KLHL29: variants seen among roughly 807,000 people sequenced by gnomAD.
KLHL29 encodes kelch like family member 29.
In KLHL29, 21 loss-of-function variants were observed where a neutral mutation model predicts 80.4. That is an observed-to-expected ratio of 0.26 (90% CI 0.19 to 0.38). The LOEUF (loss-of-function observed/expected upper bound fraction) is 0.38. Ranked by LOEUF, KLHL29 falls within the 10% of genes least tolerant of loss-of-function variation. The probability of loss-of-function intolerance (pLI) is 1.00; values close to 1 mark genes in which losing one functional copy is unlikely to be tolerated. For missense variants in KLHL29, 867 were observed against 1,223.9 expected (o/e 0.71, Z 4.35); for synonymous variants, 511 against 526.8 (o/e 0.97, Z 0.41).
chr2:23,612,832 T>TA (rs1668901319), intron 3 of KLHL29, among the ~76,000 whole-genome samples: 1 of 151,986 alleles, frequency 6.6e-6, no homozygotes, highest in Admixed American at 6.6e-5. Flanking sequence ...AAGCAAAGGT[T>TA]AGAGTTTCAG....
intron 1 of KLHL29, among the ~76,000 whole-genome samples, chr2:23,412,793 T>C (rs1380642730): frequency 1.3e-5 from 2 of 152,146 alleles, no homozygotes; most frequent in African/African-American, 2.4e-5. Flanking sequence ...GAGGACCACT[T>C]GTCTCCTCCG....
chr2:23,463,203 T>C (rs1467176785), intron 1 of KLHL29, among the ~76,000 whole-genome samples: 4 of 151,788 alleles, frequency 2.6e-5, no homozygotes, highest in Non-Finnish European at 5.9e-5. Flanking sequence ...CTATCCCAAG[T>C]TGAAGCAGGT....
chr2:23,420,660 G>T (rs1662773069), intron 1 of KLHL29, among the ~76,000 whole-genome samples: 1 of 152,172 alleles, frequency 6.6e-6, no homozygotes, highest in African/African-American at 2.4e-5. Context: ...TGCCCCACCT[G>T]CCAGAGCTCC....
chr2:23,465,816 C>G (rs1373107671), intron 1 of KLHL29, among the ~76,000 whole-genome samples: 1 of 152,178 alleles, frequency 6.6e-6, no homozygotes, highest in Non-Finnish European at 1.5e-5. Context: ...CCTACTCCCT[C>G]TGGCCCAGAA....
chr2:23,516,524 A>G (rs992170291), intron 2 of KLHL29, among the ~76,000 whole-genome samples: 6 of 151,868 alleles, frequency 4.0e-5, no homozygotes, highest in African/African-American at 1.5e-4. Context: ...AATGCACATA[A>G]TTCAGGCTTT....
Position 23,596,004 on chromosome 2 carries a change from G to A in KLHL29, c.285+33523G>A, listed in dbSNP as rs1045395219. On this transcript the variant is annotated intron_variant, in intron 3 of 13. Coordinates refer to ENST00000486442, the MANE Select transcript of KLHL29 (RefSeq NM_052920.2). The surrounding 1 kb of genome is among the most constrained non-coding windows in gnomAD (Gnocchi z 4.4). ...ATTCCAGAAGGTTTTCACACTCCCC[G>A]TGGTTTGTCAGGAGGACACCGTTTT... Among the ~76,000 whole-genome samples the A allele has an allele frequency of 2.0e-5, 3 of 152,170 alleles. No individual in the cohort carries two copies. Among genetic ancestry groups the A allele is most frequent in the Admixed American group, 6.5e-5 (1 of 15,282 alleles).
At chr2:23,609,875 A>G (rs933857447) in intron 3 of KLHL29, among the ~76,000 whole-genome samples, 1 of 152,154 alleles carries the variant, frequency 6.6e-6, no homozygotes, top group Non-Finnish European at 1.5e-5. Flanking sequence ...GCAAATGGGA[A>G]TCAGACTCCT....
At chr2:23,676,158 T>C (rs1342101636) in intron 5 of KLHL29, among the ~76,000 whole-genome samples, 1 of 152,008 alleles carries the variant, frequency 6.6e-6, no homozygotes, top group Non-Finnish European at 1.5e-5. Context: ...TGAGGGAATC[T>C]GTAAGAATTT....
At position 23,681,686 on chromosome 2, in the gene KLHL29, A is replaced by G. The variant is rs1254043455; in HGVS notation, c.941-2713A>G. On this transcript the variant is annotated intron_variant, in intron 5 of 13. Coordinates refer to ENST00000486442, the MANE Select transcript of KLHL29 (RefSeq NM_052920.2). This position sits in a 1 kb window ranked among gnomAD's most constrained non-coding sequence, Gnocchi z 4.2. ...GCCCAGAAAGCTGGGGTGCTGGCCCAGGGTCACACACCAATTAGTGGCAGT... is the reference window on the plus strand; with the variant it reads ...GCCCAGAAAGCTGGGGTGCTGGCCCGGGGTCACACACCAATTAGTGGCAGT... 6.6e-6 allele frequency among the ~76,000 whole-genome samples: 1 copy of G among 152,180 alleles called. No individual in the cohort carries two copies. The highest frequency in any genetic ancestry group is 1.5e-5 in the Non-Finnish European group (1 of 68,014).
intron 2 of KLHL29, among the ~76,000 whole-genome samples, chr2:23,539,329 G>T (rs1417832496): frequency 6.6e-6 from 1 of 151,608 alleles, no homozygotes; most frequent in Non-Finnish European, 1.5e-5. Flanking sequence ...GATGTTGAAA[G>T]GAATTGATTT....
chr2:23,439,882 C>T (rs558270802), intron 1 of KLHL29, among the ~76,000 whole-genome samples: 24 of 152,100 alleles, frequency 1.6e-4, no homozygotes, highest in African/African-American at 5.1e-4. Flanking sequence ...CTTTCTGTCT[C>T]ATTGATCTGT....
chr2:23,550,917 G>A (rs1054377068), intron 2 of KLHL29, among the ~76,000 whole-genome samples: 2 of 152,218 alleles, frequency 1.3e-5, no homozygotes, highest in African/African-American at 4.8e-5. Flanking sequence ...CCTGGGAGGG[G>A]GTAAGCCTGC....
chr2:23,542,582 G>A (rs562713871), intron 2 of KLHL29, among the ~76,000 whole-genome samples: 111 of 152,352 alleles, frequency 7.3e-4, no homozygotes, highest in African/African-American at 2.3e-3. Context: ...TGCCATCCTC[G>A]GGGCTTGTCA....
intron 11 of KLHL29, among the ~76,000 whole-genome samples, chr2:23,702,439 T>C (rs774706095): frequency 6.6e-6 from 1 of 152,208 alleles, no homozygotes; most frequent in Non-Finnish European, 1.5e-5. Flanking sequence ...TTTTGCACCA[T>C]GATAAAGTCA....
chr2:23,524,153 G>A (rs1386503228), intron 2 of KLHL29: 5 of 419,490 alleles, frequency 1.2e-5, no homozygotes, highest in African/African-American at 1.0e-4. Context: ...AAAGGAAGCC[G>A]ATGCTGGAGC....
chr2:23,628,417 C>G (rs1445798073), intron 3 of KLHL29, among the ~76,000 whole-genome samples: 1 of 152,128 alleles, frequency 6.6e-6, no homozygotes, highest in African/African-American at 2.4e-5. Context: ...CCTGGCCAAG[C>G]CGTTGTAAAG....
chr2:23,600,576 G>A (rs1668544025), intron 3 of KLHL29, among the ~76,000 whole-genome samples: 1 of 152,162 alleles, frequency 6.6e-6, no homozygotes, highest in Admixed American at 6.5e-5. Context: ...CCTGCAAAGG[G>A]GGCGTTGTTC....
At chr2:23,403,413 C>G (rs1269916094) in intron 1 of KLHL29, among the ~76,000 whole-genome samples, 1 of 152,222 alleles carries the variant, frequency 6.6e-6, no homozygotes, top group East Asian at 1.9e-4. Flanking sequence ...GAATCTCAGA[C>G]TCACCTTAAA....
At chr2:23,611,714 C>G (rs1275653674) in intron 3 of KLHL29, among the ~76,000 whole-genome samples, 2 of 152,094 alleles carry the variant, frequency 1.3e-5, no homozygotes, top group East Asian at 1.9e-4. Context: ...TTGGAATTCT[C>G]AGACACAGAC....
Sources: allele counts gnomAD v4.1 joint callset (sites outside exome capture counted in the v4.1 genomes callset), GRCh38; gene constraint gnomAD v4.1.1; non-coding constraint Gnocchi (gnomAD v3.1); transcripts MANE v1.5; gene names NCBI Gene and HGNC (gene_info 2026-07-23, HGNC 2026-07-21).